LHFPL3: variants seen among roughly 807,000 people sequenced by gnomAD.
LHFPL3 encodes LHFPL tetraspan subfamily member 3, also known as LHFPL tetraspan subfamily member 3 protein.
LHFPL3 carries 5 observed loss-of-function variants against 19.3 expected under a neutral mutation model. The ratio of observed to expected loss-of-function variants is 0.26; its 90% CI spans 0.14 to 0.54. The LOEUF is 0.54. Ranked by LOEUF, LHFPL3 falls within the 20% of genes least tolerant of loss-of-function variation. The pLI, the probability that LHFPL3 is intolerant of heterozygous loss-of-function variation, is 0.94. For synonymous variants in LHFPL3, 133 were observed against 126.2 expected (o/e 1.05, Z -0.36); for missense variants, 249 against 307.4 (o/e 0.81, Z 1.42).
At chr7:104,609,236 G>T (rs1007218204) in intron 1 of LHFPL3, among the ~76,000 whole-genome samples, 4 of 151,686 alleles carry the variant, frequency 2.6e-5, no homozygotes, top group South Asian at 2.1e-4. Context: ...CTACACTCCA[G>T]CCCAGGTGAC....
chr7:104,833,395 AT>A lies in LHFPL3; in HGVS notation c.683-72791del. Reference sequence around the variant, plus strand: ...ATATATTATATATATAATAGGATATATATATTATATATATATATATAATATA... The same window carrying A: ...ATATATTATATATATAATAGGATATAATATTATATATATATATATAATATA... On this transcript the variant is annotated intron_variant, in intron 2 of 2. Transcript: ENST00000424859. Among the ~76,000 whole-genome samples, 2 of 6,714 alleles carry A rather than the reference AT, an allele frequency of 3.0e-4. 1 individual carries two copies. The highest frequency in any genetic ancestry group is 0.024 in the South Asian group (2 of 82). The allele number at this position is 6,714 out of a possible 152,430, so 4.4% of individuals were successfully genotyped here.
chr7:104,806,463 G>A (rs1790363703), intron 2 of LHFPL3, among the ~76,000 whole-genome samples: 1 of 152,102 alleles, frequency 6.6e-6, no homozygotes, highest in Non-Finnish European at 1.5e-5. Flanking sequence ...ATTACAAATA[G>A]GAGTTTTAGA....
At chr7:104,349,019 C>T (rs1182370358) in intron 1 of LHFPL3, among the ~76,000 whole-genome samples, 1 of 152,142 alleles carries the variant, frequency 6.6e-6, no homozygotes, top group Non-Finnish European at 1.5e-5. Flanking sequence ...CTTCTATCCT[C>T]CTCCCTCTCT....
chr7:104,637,569 G>T (rs1373336033), intron 1 of LHFPL3, among the ~76,000 whole-genome samples: 1 of 152,106 alleles, frequency 6.6e-6, no homozygotes, highest in Admixed American at 6.6e-5. Context: ...ATGGAGTACG[G>T]AAAGAGTTCA....
At chr7:104,728,077 A>G (rs1793623333) in intron 1 of LHFPL3, among the ~76,000 whole-genome samples, 1 of 152,180 alleles carries the variant, frequency 6.6e-6, no homozygotes, top group Admixed American at 6.6e-5. Context: ...TGTGGGTCAA[A>G]GAAAAGAGAA....
intron 1 of LHFPL3, among the ~76,000 whole-genome samples, chr7:104,459,595 A>T (rs559673499): frequency 6.6e-6 from 1 of 152,308 alleles, no homozygotes; most frequent in African/African-American, 2.4e-5. Flanking sequence ...GCTGTACCCC[A>T]TGTTGTTCCT....
intron 1 of LHFPL3, among the ~76,000 whole-genome samples, chr7:104,365,922 T>C (rs1790488317): frequency 6.6e-6 from 1 of 152,114 alleles, no homozygotes; most frequent in Non-Finnish European, 1.5e-5. Flanking sequence ...TAGAAACATT[T>C]TGGAGTCCAG....
intron 1 of LHFPL3, among the ~76,000 whole-genome samples, chr7:104,542,253 T>C (rs531247616): frequency 1.3e-5 from 2 of 152,184 alleles, no homozygotes; most frequent in African/African-American, 4.8e-5. Context: ...AAACCTGACC[T>C]TAAAAGTGTT....
chr7:104,732,953 C>T (rs944580051), intron 1 of LHFPL3, among the ~76,000 whole-genome samples: 1 of 152,164 alleles, frequency 6.6e-6, no homozygotes, highest in Non-Finnish European at 1.5e-5. Flanking sequence ...TCAAAAACAT[C>T]TTTATTTCTG....
intron 1 of LHFPL3, among the ~76,000 whole-genome samples, chr7:104,508,882 G>C (rs2115761162): frequency 6.6e-6 from 1 of 151,912 alleles, no homozygotes; most frequent in South Asian, 2.1e-4. Flanking sequence ...GACAAAAGTA[G>C]AGAGGAGAAA....
chr7:104,509,825 C>T (rs1008208295), intron 1 of LHFPL3, among the ~76,000 whole-genome samples: 6 of 151,948 alleles, frequency 3.9e-5, no homozygotes, highest in South Asian at 2.1e-4. Flanking sequence ...GAGGATGTGA[C>T]GATCTATGTA....
intron 1 of LHFPL3, among the ~76,000 whole-genome samples, chr7:104,573,110 G>A (rs535659020): frequency 1.1e-4 from 16 of 152,258 alleles, no homozygotes; most frequent in African/African-American, 3.9e-4. Flanking sequence ...GGGAAAATGG[G>A]TTGATTTAAA....
At chr7:104,577,042 A>G (rs1790351320) in intron 1 of LHFPL3, among the ~76,000 whole-genome samples, 1 of 152,230 alleles carries the variant, frequency 6.6e-6, no homozygotes, top group African/African-American at 2.4e-5. Context: ...AAGGCACTTC[A>G]AAATCAGCAG....
rs1790879735 is a variant in LHFPL3, at chr7:104,383,782, TC to T, written c.445+54560del. Among the ~76,000 whole-genome samples, 4 of 152,342 alleles carry T rather than the reference TC, an allele frequency of 2.6e-5. No individual in the cohort carries two copies. The South Asian group carries it at 8.3e-4, about 32-fold the overall frequency. ...TAAGAAAGAAATAGTGCTTTTTTCT[TC>T]CTTTGCCTTGTTAGGGGGAGTGAAG... is the stretch of plus-strand genomic sequence containing the variant. On this transcript the variant is annotated intron_variant, in intron 1 of 2. Coordinates refer to ENST00000424859, the MANE Select transcript of LHFPL3 (RefSeq NM_199000.3).
At chr7:104,742,799 C>T (rs903844894) in intron 2 of LHFPL3, among the ~76,000 whole-genome samples, 9 of 152,070 alleles carry the variant, frequency 5.9e-5, no homozygotes, top group Admixed American at 5.9e-4. Flanking sequence ...TATCAGTGAG[C>T]ACATTAAATA....
At chr7:104,610,922 C>G (rs2115747827) in intron 1 of LHFPL3, among the ~76,000 whole-genome samples, 1 of 152,286 alleles carries the variant, frequency 6.6e-6, no homozygotes, top group Admixed American at 6.5e-5. Context: ...GTTTGAATTC[C>G]CAGTTTCTGG....
chr7:104,838,185 T>C (rs561867446), intron 2 of LHFPL3, among the ~76,000 whole-genome samples: 8 of 152,100 alleles, frequency 5.3e-5, no homozygotes, highest in Non-Finnish European at 8.8e-5. Context: ...ATGAGAACCA[T>C]TTGAGGAACT....
chr7:104,820,728 G>A (rs975563422), intron 2 of LHFPL3, among the ~76,000 whole-genome samples: 1 of 152,118 alleles, frequency 6.6e-6, no homozygotes, highest in South Asian at 2.1e-4. Flanking sequence ...CACATAGGTT[G>A]GGAAGACACC....
intron 2 of LHFPL3, among the ~76,000 whole-genome samples, chr7:104,795,963 T>C (rs1420660174): frequency 1.7e-5 from 2 of 117,328 alleles, no homozygotes; most frequent in East Asian, 6.6e-4. Context: ...AATATACCCA[T>C]TGAAATATGG....
Sources: gnomAD v4.1 joint callset for allele counts (sites outside exome capture counted in the v4.1 genomes callset) on GRCh38, gnomAD v4.1.1 for gene constraint, MANE v1.5 for transcripts, NCBI Gene and HGNC (gene_info 2026-07-23, HGNC 2026-07-21) for gene names.